Variants in COL24A1 observed in about 807,000 individuals in gnomAD.
COL24A1 encodes the protein collagen alpha-1(XXIV) chain.
In COL24A1, 224 loss-of-function variants were observed where a neutral mutation model predicts 253.9. That is an observed-to-expected ratio of 0.88 (90% CI 0.79 to 0.99). COL24A1 has a LOEUF of 0.99. Among genes scored for constraint, COL24A1 ranks in the 50% least tolerant of loss-of-function variants. COL24A1 has a pLI of 0.00. For missense variants in COL24A1, 2,131 were observed against 2,068.5 expected (o/e 1.03, Z -0.59); for synonymous variants, 685 against 673.7 (o/e 1.02, Z -0.26).
At chr1:85,851,103 T>C (rs1677721901) in intron 37 of COL24A1, among the ~76,000 whole-genome samples, 6 of 151,536 alleles carry the variant, frequency 4.0e-5, no homozygotes, top group Admixed American at 2.6e-4. Context: ...CCTACTCAGG[T>C]GCAATCATTG....
rs149719922 is a variant in COL24A1 at position 86,128,134 on chromosome 1, C to T, written c.122-1920G>A. Reference sequence around the variant, plus strand: ...GCCCCACATAATCAACAAAAAAATACCTTTGACTTCTTATGTTTTATCATC... The same window carrying T: ...GCCCCACATAATCAACAAAAAAATATCTTTGACTTCTTATGTTTTATCATC... On this transcript the variant is annotated intron_variant, in intron 2 of 59. Transcript: ENST00000370571. 2.7e-3 allele frequency among the ~76,000 whole-genome samples: 414 copies of T among 152,068 alleles called. 3 individuals carry two copies. Among genetic ancestry groups the T allele is most frequent in the African/African-American group, 9.5e-3 (393 of 41,530 alleles).
At chr1:85,783,022 G>C (rs1669296910) in intron 51 of COL24A1, among the ~76,000 whole-genome samples, 1 of 152,066 alleles carries the variant, frequency 6.6e-6, no homozygotes, top group African/African-American at 2.4e-5. Context: ...CCTGCTTTTT[G>C]CAACTATTTA....
At chr1:86,081,131 T>A (rs755561353) in intron 7 of COL24A1, among the ~76,000 whole-genome samples, 4 of 152,182 alleles carry the variant, frequency 2.6e-5, no homozygotes, top group Non-Finnish European at 4.4e-5. Context: ...AAAAAAATTA[T>A]CAAAATTAGT....
At chr1:86,150,659 A>T (rs1319388207) in intron 1 of COL24A1, among the ~76,000 whole-genome samples, 1 of 152,156 alleles carries the variant, frequency 6.6e-6, no homozygotes, top group African/African-American at 2.4e-5. Context: ...AGTCAGTTTG[A>T]TAAAGAGCCA....
intron 2 of COL24A1, among the ~76,000 whole-genome samples, chr1:86,142,867 C>A (rs1651359860): frequency 6.6e-6 from 1 of 151,942 alleles, no homozygotes; most frequent in Admixed American, 6.6e-5. Context: ...ATTATTGTAA[C>A]CTTCCAAAAC....
intron 10 of COL24A1, among the ~76,000 whole-genome samples, chr1:86,052,706 T>A (rs570940295): frequency 1.3e-5 from 2 of 152,032 alleles, no homozygotes. Flanking sequence ...GACCACATAC[T>A]TTAAGAGGGT....
At chr1:85,812,661 C>T (rs113254645) in intron 47 of COL24A1, among the ~76,000 whole-genome samples, 78 of 152,260 alleles carry the variant, frequency 5.1e-4, no homozygotes, top group Admixed American at 5.2e-4. Context: ...AAAATGAAAT[C>T]AATGTAGAGT....
At chr1:85,949,957 T>G (rs1443546797) in intron 24 of COL24A1, among the ~76,000 whole-genome samples, 1 of 152,160 alleles carries the variant, frequency 6.6e-6, no homozygotes, top group East Asian at 1.9e-4. Flanking sequence ...CAGTATATAT[T>G]GGTTCTCTCA....
Position 86,115,338 on chromosome 1 carries a change from T to G in COL24A1, c.1532A>C (p.Lys511Thr). ...GPAGIPGPSG[K>T]RGPRGIPGPH... ...CCATCTACTTACCCGTGGACCTCTC[T>G]TCCCTGACGGACCTGGGATACCTGC... The change falls in exon 4 of 60, where the codon AAG becomes ACG. Residue 511 changes from lysine (K) to threonine (T), a missense_variant. Coordinates refer to ENST00000370571, the MANE Select transcript of COL24A1 (RefSeq NM_152890.7). 6.2e-7 allele frequency: 1 copy of G among 1,613,980 alleles called. No homozygotes were observed. The highest frequency in any genetic ancestry group is 8.5e-7 in the Non-Finnish European group (1 of 1,179,890).
At chr1:86,156,149 G>T in intron 1 of COL24A1, 192 bp downstream of exon 1, 1 of 547,854 alleles carries the variant, frequency 1.8e-6, no homozygotes. Flanking sequence ...CTGCTGGCAC[G>T]AGGCATCCTT....
chr1:85,973,872 A>C (rs1483911263), intron 20 of COL24A1, among the ~76,000 whole-genome samples: 1 of 152,192 alleles, frequency 6.6e-6, no homozygotes, highest in Non-Finnish European at 1.5e-5. Flanking sequence ...GTTATATGCC[A>C]TTTATAAGAA....
Position 86,022,303 on chromosome 1 carries a change from G to A in COL24A1, c.2203-10C>T. 1 of 1,521,508 alleles carries A rather than the reference G, an allele frequency of 6.6e-7. No individual in the cohort carries two copies. The highest frequency in any genetic ancestry group is 8.7e-7 in the Non-Finnish European group (1 of 1,144,856). The allele number at this position is 1,521,508 out of a possible 1,614,324, so 94.3% of individuals were successfully genotyped here. A position where few individuals can be genotyped will look rare whatever the true frequency, so the allele number is the denominator to read the frequency against. ...GTAAACCAACAGCACCCTAAGAGAAGAGAATAACAGAAGAGAAAGTTATTA... is the reference window on the plus strand; with the variant it reads ...GTAAACCAACAGCACCCTAAGAGAAAAGAATAACAGAAGAGAAAGTTATTA... On this transcript the variant is annotated splice_polypyrimidine_tract_variant and intron_variant, in intron 17 of 59. Coordinates refer to ENST00000370571, the MANE Select transcript of COL24A1 (RefSeq NM_152890.7).
intron 47 of COL24A1, among the ~76,000 whole-genome samples, chr1:85,796,800 T>A (rs1670851551): frequency 6.6e-6 from 1 of 152,202 alleles, no homozygotes. Context: ...ATGGATTAAG[T>A]ATAATACTAT....
intron 3 of COL24A1, among the ~76,000 whole-genome samples, chr1:86,120,555 T>C (rs979278529): frequency 2.0e-5 from 3 of 152,218 alleles, no homozygotes; most frequent in Non-Finnish European, 2.9e-5. Context: ...TCATCATCAC[T>C]GGTCATCAGA....
At chr1:86,112,898 A>T (rs1460025522) in intron 4 of COL24A1, among the ~76,000 whole-genome samples, 1 of 152,188 alleles carries the variant, frequency 6.6e-6, no homozygotes, top group African/African-American at 2.4e-5. Flanking sequence ...TGTAAAATTC[A>T]TTTACCAATT....
intron 24 of COL24A1, among the ~76,000 whole-genome samples, chr1:85,954,445 C>G (rs1312134024): frequency 1.3e-5 from 2 of 152,162 alleles, no homozygotes; most frequent in Non-Finnish European, 2.9e-5. Flanking sequence ...ATCTCCTTAT[C>G]AGTCCCAGCT....
intron 47 of COL24A1, among the ~76,000 whole-genome samples, chr1:85,791,069 T>A (rs1670221554): frequency 6.6e-6 from 1 of 152,202 alleles, no homozygotes; most frequent in African/African-American, 2.4e-5. Context: ...TACACTTATT[T>A]AAGATTGTTA....
chr1:85,737,626 C>T (rs1351693853), intron 57 of COL24A1, 121 bp from the exon 58 acceptor site: 11 of 615,438 alleles, frequency 1.8e-5, no homozygotes, highest in Admixed American at 7.0e-5. Context: ...TGCAGCGGTG[C>T]GATCTTGGCT....
At chr1:85,747,459 C>T (rs2100971589) in intron 55 of COL24A1, among the ~76,000 whole-genome samples, 1 of 152,138 alleles carries the variant, frequency 6.6e-6, no homozygotes, top group Non-Finnish European at 1.5e-5. Flanking sequence ...AATTTTAAAA[C>T]TATTCATGTG....
Sources: allele counts gnomAD v4.1 joint callset (sites outside exome capture counted in the v4.1 genomes callset), GRCh38; gene constraint gnomAD v4.1.1; transcripts MANE v1.5; gene names NCBI Gene and HGNC (gene_info 2026-07-23, HGNC 2026-07-21).